SEC14L3: variants seen among roughly 807,000 people sequenced by gnomAD.
The protein encoded by SEC14L3 is SEC14-like protein 3.
A neutral mutation model predicts 57.4 loss-of-function variants in SEC14L3; 56 were observed. The ratio of observed to expected loss-of-function variants is 0.97; its 90% CI spans 0.79 to 1.22. The LOEUF is 1.22. SEC14L3 is among the 50% of genes most tolerant of loss of function. The pLI, the probability that SEC14L3 is intolerant of heterozygous loss-of-function variation, is 0.00. For missense variants in SEC14L3, 485 were observed against 511.7 expected (o/e 0.95, Z 0.50); for synonymous variants, 173 against 194.4 (o/e 0.89, Z 0.92).
intron 5 of SEC14L3, among the ~76,000 whole-genome samples, chr22:30,468,266 G>A (rs1386908201): frequency 8.3e-5 from 12 of 143,814 alleles, no homozygotes; most frequent in Non-Finnish European, 3.0e-5. Flanking sequence ...GTGACAGAGC[G>A]AGACTCTGTC....
At chr22:30,455,882 G>A (rs551559177), downstream of SEC14L3, among the ~76,000 whole-genome samples, 1 of 152,330 alleles carries the variant, frequency 6.6e-6, no homozygotes, top group African/African-American at 2.4e-5. Flanking sequence ...TGGGCTGTTG[G>A]AACAGGAACT....
In SEC14L3 at chr22:30,470,623, G is replaced by A. The variant is rs781354174; in HGVS notation, c.55-41C>T. On this transcript the variant is annotated intron_variant, in intron 1 of 11. Coordinates refer to ENST00000215812, the MANE Select transcript of SEC14L3 (RefSeq NM_174975.5). The stretch of plus-strand genomic sequence containing the variant: ...CTGGTTAAAGTGGCTCTCTCACATT[G>A]AGCCTTGGCCTCCAGACTCAAAGAC... The A allele has an allele frequency of 3.7e-6, 6 of 1,613,682 alleles. No individual in the cohort carries two copies. In the East Asian group the frequency reaches 6.7e-5, roughly 18 times the overall value.
At chr22:30,467,859 A>G (rs9306260) in intron 5 of SEC14L3, among the ~76,000 whole-genome samples, 107,331 of 152,238 alleles carry the variant, frequency 0.71, 38,844 homozygotes, top group African/African-American at 0.86. Flanking sequence ...ATTTCATTTC[A>G]CTTTTGCAAC....
chr22:30,459,761 A>G lies in SEC14L3; in HGVS notation c.*260T>C. ...GGCTAGGGGATTCATTTTGCTATTT[A>G]TTGAGTTTCATGACACCCACTTCTT... On this transcript the variant is annotated 3_prime_UTR_variant, in exon 12 of 12. Coordinates refer to ENST00000215812, the MANE Select transcript of SEC14L3 (RefSeq NM_174975.5). 1 of 1,154,928 alleles carries G rather than the reference A, an allele frequency of 8.7e-7. No individual in the cohort carries two copies. Among genetic ancestry groups the G allele is most frequent in the South Asian group, 3.3e-5 (1 of 29,900 alleles). 71.5% of individuals were successfully genotyped at this position (1,154,928 alleles called of 1,614,324 possible). A position where few individuals can be genotyped will look rare whatever the true frequency, so the allele number is the denominator to read the frequency against.
chr22:30,457,978 A>G (rs1467773081), downstream of SEC14L3, among the ~76,000 whole-genome samples: 1 of 152,230 alleles, frequency 6.6e-6, no homozygotes, highest in East Asian at 1.9e-4. Flanking sequence ...TTTTGCACCC[A>G]TAAGTGCATG....
chr22:30,452,010 G>A (rs112008035), intron 12 of SEC14L3, among the ~76,000 whole-genome samples: 75,444 of 108,670 alleles, frequency 0.69, 25,853 homozygotes, highest in East Asian at 0.83. Context: ...AAAAAAAAAA[G>A]AAAAAAGAAA....
At chr22:30,468,789 C>T (rs763014516) in intron 4 of SEC14L3, 93 bp from the exon 5 acceptor site, 101 of 1,609,738 alleles carry the variant, frequency 6.3e-5, no homozygotes, top group Admixed American at 1.4e-4. Flanking sequence ...CTACACACAC[C>T]ATGGTATAAA....
chr22:30,450,585 G>A (rs1934962485), intron 12 of SEC14L3, among the ~76,000 whole-genome samples: 1 of 152,146 alleles, frequency 6.6e-6, no homozygotes, highest in Non-Finnish European at 1.5e-5. Flanking sequence ...TTACAGGCAT[G>A]AGCTCCCGTG....
chr22:30,454,775 AT>A (rs1421606315), downstream of SEC14L3, among the ~76,000 whole-genome samples: 48 of 79,850 alleles, frequency 6.0e-4, no homozygotes, highest in East Asian at 1.3e-3. Flanking sequence ...TATATAATAT[AT>A]TATTATATAT....
At chr22:30,460,828 CAAAAAAAAAAA>C (rs747778887) in intron 11 of SEC14L3, among the ~76,000 whole-genome samples, 2 of 104,424 alleles carry the variant, frequency 1.9e-5, no homozygotes, top group African/African-American at 7.4e-5. Flanking sequence ...AACTCTGTCT[CAAAAAAAAAAA>C]AAAAAAAAAA....
downstream of SEC14L3, among the ~76,000 whole-genome samples, chr22:30,454,825 TATAATATATA>T (rs1376136735): frequency 4.9e-4 from 17 of 35,018 alleles, no homozygotes; most frequent in Non-Finnish European, 5.8e-4. Context: ...TATATTATAA[TATAATATATA>T]ATAATATATA....
intron 12 of SEC14L3, among the ~76,000 whole-genome samples, chr22:30,450,328 C>T (rs1436522612): frequency 6.6e-6 from 1 of 151,674 alleles, no homozygotes; most frequent in Non-Finnish European, 1.5e-5. Context: ...TTTTTTGAGA[C>T]GGAATCTCTC....
intron 12 of SEC14L3, among the ~76,000 whole-genome samples, chr22:30,451,947 G>A (rs9620988): frequency 0.65 from 93,670 of 143,986 alleles, 30,830 homozygotes; most frequent in East Asian, 0.84. Flanking sequence ...AGCCAAGATC[G>A]CGCCACTGCA....
rs1025033559 is a variant in SEC14L3 at position 30,459,346 on chromosome 22, G to A, written c.*675C>T. ...AGTGGGTTAGGGTGGGAAGCTGAGC[G>A]TGCAAGTCAGACAAAGCCTGATGTA... On this transcript the variant is annotated 3_prime_UTR_variant, in exon 12 of 12. Transcript: ENST00000215812. The A allele has an allele frequency of 1.0e-5, 10 of 985,342 alleles. No homozygotes were observed. Among genetic ancestry groups the A allele is most frequent in the African/African-American group, 7.0e-5 (4 of 57,228 alleles). 61.0% of individuals were successfully genotyped at this position (985,342 alleles called of 1,614,324 possible).
chr22:30,452,903 G>A (rs1179223369), intron 12 of SEC14L3, among the ~76,000 whole-genome samples: 1 of 151,904 alleles, frequency 6.6e-6, no homozygotes, highest in African/African-American at 2.4e-5. Flanking sequence ...TTTTTGTAGA[G>A]ATGGGGTTTT....
Position 30,466,320 on chromosome 22 carries a change from C to T in SEC14L3, c.580+14G>A. The T allele has an allele frequency of 1.9e-6, 3 of 1,611,204 alleles. No homozygotes were observed. The highest frequency in any genetic ancestry group is 2.5e-6 in the Non-Finnish European group (3 of 1,177,538). The stretch of plus-strand genomic sequence containing the variant: ...AAACAGAGGCACAAGTAAGTGAAGT[C>T]ATTTGTCACATACCTTTCACGATGA... On this transcript the variant is annotated intron_variant, in intron 7 of 11. Transcript: ENST00000215812.
exon 13 of SEC14L3, chr22:30,449,112 G>T: frequency 6.4e-7 from 1 of 1,550,572 alleles, no homozygotes; most frequent in Non-Finnish European, 8.7e-7. Context: ...GAGGGGTAAA[G>T]GCCTACTTAG....
Position 30,461,316 on chromosome 22 carries a change from C to A in SEC14L3, c.1075G>T (p.Gly359Cys). 2 of 1,588,208 alleles carry A rather than the reference C, an allele frequency of 1.3e-6. No individual in the cohort carries two copies. Residue 359 changes from glycine to cysteine, a missense_variant, in exon 11 of 12, where the codon GGC (glycine) becomes TGC (cysteine). Transcript: ENST00000215812. ...CCAGCTGGGGCAGACTTACAGACGCCGGCCTCTGAGCAGGTGAGGTTCCCA... is the reference window on the plus strand; with the variant it reads ...CCAGCTGGGGCAGACTTACAGACGCAGGCCTCTGAGCAGGTGAGGTTCCCA... ...EDGNLTCSEA[G>C]VYVLRFDNTY...
At chr22:30,464,758 T>C (rs147697765) in intron 8 of SEC14L3, 62 bp downstream of exon 8, 2 of 1,492,566 alleles carry the variant, frequency 1.3e-6, no homozygotes, top group South Asian at 1.1e-5. Flanking sequence ...GATGGGGTAA[T>C]GGGACAACCT....
Sources: allele counts gnomAD v4.1 joint callset (sites outside exome capture counted in the v4.1 genomes callset), GRCh38; gene constraint gnomAD v4.1.1; transcripts MANE v1.5; gene names NCBI Gene and HGNC (gene_info 2026-07-23, HGNC 2026-07-21).